Variants in ATP8A1 observed in about 807,000 individuals in gnomAD.
ATP8A1 encodes the protein phospholipid-transporting ATPase IA.
In ATP8A1, 90 loss-of-function variants were observed where a neutral mutation model predicts 177.7. The observed-to-expected ratio is 0.51, with a 90% CI of 0.43 to 0.60. The LOEUF is 0.60. Among genes scored for constraint, ATP8A1 ranks in the 20% least tolerant of loss-of-function variants. The pLI, the probability that ATP8A1 is intolerant of heterozygous loss-of-function variation, is 0.00. For missense variants in ATP8A1, 1,072 were observed against 1,392.8 expected (o/e 0.77, Z 3.67); for synonymous variants, 493 against 485.9 (o/e 1.01, Z -0.19).
chr4:42,568,471 T>C (rs1324672515), intron 15 of ATP8A1, among the ~76,000 whole-genome samples: 12 of 152,194 alleles, frequency 7.9e-5, no homozygotes, highest in Admixed American at 6.5e-4. Context: ...TGATGAATTA[T>C]AGAAATATCA....
chr4:42,626,761 T>C (rs1279077002), intron 2 of ATP8A1: 3 of 532,138 alleles, frequency 5.6e-6, no homozygotes, highest in Admixed American at 3.2e-5. Flanking sequence ...ATTCAATATC[T>C]ATGCAGCATC....
intron 27 of ATP8A1, among the ~76,000 whole-genome samples, chr4:42,457,672 G>GTAAA (rs772551883): frequency 6.6e-6 from 1 of 152,200 alleles, no homozygotes; most frequent in Non-Finnish European, 1.5e-5. Context: ...GCAAACATTA[G>GTAAA]TAAATACGAA....
chr4:42,557,154 A>C (rs1186905194), intron 15 of ATP8A1, among the ~76,000 whole-genome samples: 1 of 152,230 alleles, frequency 6.6e-6, no homozygotes, highest in Non-Finnish European at 1.5e-5. Flanking sequence ...AACTTGCTCT[A>C]TTAAGTCTCC....
intron 20 of ATP8A1, among the ~76,000 whole-genome samples, chr4:42,539,573 C>A (rs1728183848): frequency 6.6e-6 from 1 of 151,966 alleles, no homozygotes; most frequent in Non-Finnish European, 1.5e-5. Flanking sequence ...GCTATAGTAA[C>A]CAAACAACAT....
rs79528356 is a variant in ATP8A1 at position 42,543,238 on chromosome 4, G to A, written c.1722+679C>T. ...TCCGAGTTTCTATGAGACAAAGCAAGGTTGTTGACTCTATTCAAAATAGGA... is the reference window on the plus strand; with the variant it reads ...TCCGAGTTTCTATGAGACAAAGCAAAGTTGTTGACTCTATTCAAAATAGGA... On this transcript the variant is annotated intron_variant, in intron 20 of 36. Coordinates refer to ENST00000381668, the MANE Select transcript of ATP8A1 (RefSeq NM_006095.2). Among the ~76,000 whole-genome samples, 793 of 152,130 alleles carry A rather than the reference G, an allele frequency of 5.2e-3. 7 individuals carry two copies. Among genetic ancestry groups the A allele is most frequent in the African/African-American group, 0.017 (709 of 41,506 alleles).
At position 42,410,488 on chromosome 4, in the gene ATP8A1, A is replaced by T. The variant is rs1712469194; in HGVS notation, c.*2428T>A. ...ACTTTTTTCCAGTTAAGGAAGGTTT[A>T]AAAAATCAGACTATTTTCTCTAATT... On this transcript the variant is annotated 3_prime_UTR_variant, in exon 37 of 37. Coordinates refer to ENST00000381668, the MANE Select transcript of ATP8A1 (RefSeq NM_006095.2). The T allele has an allele frequency of 6.6e-6, 1 of 152,140 alleles. No individual in the cohort carries two copies. The highest frequency in any genetic ancestry group is 1.5e-5 in the Non-Finnish European group (1 of 68,020). The allele number at this position is 152,140 out of a possible 1,614,324, so 9.4% of individuals were successfully genotyped here. A position where few individuals can be genotyped will look rare whatever the true frequency, so the allele number is the denominator to read the frequency against.
chr4:42,600,594 T>C, intron 5 of ATP8A1, 76 bp from the exon 6 acceptor site: 1 of 1,335,540 alleles, frequency 7.5e-7, no homozygotes, highest in Non-Finnish European at 1.0e-6. Flanking sequence ...ATAATAATTT[T>C]AAACGAATAG....
At chr4:42,486,394 G>C (rs888709426) in intron 24 of ATP8A1, among the ~76,000 whole-genome samples, 2 of 152,124 alleles carry the variant, frequency 1.3e-5, no homozygotes, top group Non-Finnish European at 2.9e-5. Flanking sequence ...TAAATTGTGG[G>C]AGCTAGGAAC....
intron 35 of ATP8A1, among the ~76,000 whole-genome samples, chr4:42,421,521 C>T (rs1713923417): frequency 6.6e-6 from 1 of 152,052 alleles, no homozygotes; most frequent in South Asian, 2.1e-4. Flanking sequence ...TACTGGGATT[C>T]AGTGAGATAG....
Position 42,590,896 on chromosome 4 carries a change from A to G in ATP8A1, c.451-12T>C, listed in dbSNP as rs1192039854. 2 of 1,586,448 alleles carry G rather than the reference A, an allele frequency of 1.3e-6. No individual in the cohort carries two copies. Among genetic ancestry groups the G allele is most frequent in the Admixed American group, 1.8e-5 (1 of 56,122 alleles). ...TCCCCTACTGCCACCTACACGTCCC[A>G]GTATAAAATAATTAAAATGGCCAAA... is the stretch of plus-strand genomic sequence containing the variant. On this transcript the variant is annotated splice_polypyrimidine_tract_variant and intron_variant, in intron 6 of 36. Coordinates refer to ENST00000381668, the MANE Select transcript of ATP8A1 (RefSeq NM_006095.2).
At chr4:42,570,921 T>C (rs905774448) in intron 14 of ATP8A1, among the ~76,000 whole-genome samples, 3 of 152,242 alleles carry the variant, frequency 2.0e-5, no homozygotes, top group Non-Finnish European at 4.4e-5. Context: ...GTTAGGACTT[T>C]ATATTTGTCT....
chr4:42,652,165 T>A (rs2109587754), intron 1 of ATP8A1, among the ~76,000 whole-genome samples: 1 of 152,342 alleles, frequency 6.6e-6, no homozygotes, highest in Admixed American at 6.5e-5. Context: ...TGAATTAGTA[T>A]CATCTCTTAT....
At chr4:42,541,781 C>T (rs1728412624) in intron 20 of ATP8A1, among the ~76,000 whole-genome samples, 1 of 152,074 alleles carries the variant, frequency 6.6e-6, no homozygotes, top group Non-Finnish European at 1.5e-5. Context: ...GGCTATATAC[C>T]ATATCATTCT....
intron 33 of ATP8A1, among the ~76,000 whole-genome samples, chr4:42,436,661 C>T (rs1382802743): frequency 1.3e-5 from 2 of 152,186 alleles, no homozygotes; most frequent in Non-Finnish European, 2.9e-5. Context: ...CATTGAAGAA[C>T]ATCTGACAGA....
intron 24 of ATP8A1, among the ~76,000 whole-genome samples, chr4:42,499,468 A>G (rs1337009038): frequency 2.0e-5 from 3 of 152,206 alleles, no homozygotes; most frequent in Non-Finnish European, 4.4e-5. Flanking sequence ...GGTTAAGGGT[A>G]TATCACGAGA....
At position 42,552,209 on chromosome 4, in the gene ATP8A1, T is replaced by C. The variant is rs928676506; in HGVS notation, c.1519+296A>G. Among the ~76,000 whole-genome samples the C allele has an allele frequency of 2.6e-5, 4 of 152,196 alleles. No homozygotes were observed. The East Asian group carries it at 7.7e-4, about 29-fold the overall frequency. ...TTGACTAAGAGTTCTTAGGTATTTA[T>C]AAAGAAGCGAAAAATTATTATGTGT... On this transcript the variant is annotated intron_variant, in intron 17 of 36. Coordinates refer to ENST00000381668, the MANE Select transcript of ATP8A1 (RefSeq NM_006095.2).
At chr4:42,591,626 G>C (rs1283295716) in intron 6 of ATP8A1, among the ~76,000 whole-genome samples, 1 of 152,088 alleles carries the variant, frequency 6.6e-6, no homozygotes, top group Admixed American at 6.6e-5. Context: ...TAGACATGCG[G>C]AGAATATGGA....
intron 5 of ATP8A1, among the ~76,000 whole-genome samples, chr4:42,614,438 T>G (rs1202797743): frequency 6.6e-6 from 1 of 152,244 alleles, no homozygotes; most frequent in Non-Finnish European, 1.5e-5. Context: ...AACTGCATAT[T>G]GCCAAAAATA....
intron 20 of ATP8A1, among the ~76,000 whole-genome samples, chr4:42,532,992 C>T (rs1043435121): frequency 1.3e-5 from 2 of 152,238 alleles, no homozygotes; most frequent in African/African-American, 2.4e-5. Flanking sequence ...TTTGCTGACT[C>T]CTTTTTTGGA....
Sources: gnomAD v4.1 joint callset for allele counts (sites outside exome capture counted in the v4.1 genomes callset) on GRCh38, gnomAD v4.1.1 for gene constraint, MANE v1.5 for transcripts, NCBI Gene and HGNC (gene_info 2026-07-23, HGNC 2026-07-21) for gene names.